Variants in DYNLT2B observed in about 807,000 individuals in gnomAD.
The protein encoded by DYNLT2B is dynein light chain Tctex-type 2B.
DYNLT2B carries 14 observed loss-of-function variants against 19.5 expected under a neutral mutation model. That is an observed-to-expected ratio of 0.72 (90% CI 0.47 to 1.12). The LOEUF (loss-of-function observed/expected upper bound fraction) is 1.12, where lower values mean the gene tolerates loss of function less well. Among genes scored for constraint, DYNLT2B ranks in the 50% most tolerant of loss-of-function variants. DYNLT2B has a pLI of 0.00. For missense variants in DYNLT2B, 133 were observed against 174.7 expected (o/e 0.76, Z 1.35); for synonymous variants, 70 against 59.7 (o/e 1.17, Z -0.79).
At chr3:196,293,949 A>C (rs73086659) in intron 4 of DYNLT2B, among the ~76,000 whole-genome samples, 1,833 of 151,854 alleles carry the variant, frequency 0.012, 41 homozygotes, top group African/African-American at 0.042. Flanking sequence ...GGCAAAAAAA[A>C]CCATCTTCTT....
chr3:196,296,613 TA>T (rs927778775), intron 3 of DYNLT2B, among the ~76,000 whole-genome samples: 40 of 152,228 alleles, frequency 2.6e-4, no homozygotes, highest in African/African-American at 9.6e-4. Flanking sequence ...AAAAGCCAAT[TA>T]AAAATGGAAA....
chr3:196,300,230 G>T (rs1167301626), intron 3 of DYNLT2B, among the ~76,000 whole-genome samples: 3 of 152,188 alleles, frequency 2.0e-5, no homozygotes, highest in Non-Finnish European at 4.4e-5. Flanking sequence ...TAATATATTT[G>T]TGCCATTTTC....
At position 196,318,165 on chromosome 3, in the gene DYNLT2B, C is replaced by G. The variant is rs768191137; in HGVS notation, c.-13G>C. On this transcript the variant is annotated 5_prime_UTR_variant, in exon 1 of 5. Coordinates refer to ENST00000325318, the MANE Select transcript of DYNLT2B (RefSeq NM_152773.5). ...TGGACGTGGCCATGCCGGGGCTTCT[C>G]GGTCCGGGCGTAGCTCGCGATGAAG... 2 of 1,470,540 alleles carry G rather than the reference C, an allele frequency of 1.4e-6. No individual in the cohort carries two copies. The highest frequency in any genetic ancestry group is 1.8e-6 in the Non-Finnish European group (2 of 1,106,074). 91.1% of individuals were successfully genotyped at this position (1,470,540 alleles called of 1,614,324 possible).
At chr3:196,301,581 T>G (rs1726352561) in intron 3 of DYNLT2B, among the ~76,000 whole-genome samples, 1 of 151,868 alleles carries the variant, frequency 6.6e-6, no homozygotes, top group African/African-American at 2.4e-5. Context: ...GGTGTGGTGG[T>G]GGGCACCAGT....
chr3:196,314,210 A>G (rs937117879), intron 2 of DYNLT2B, among the ~76,000 whole-genome samples: 16 of 151,976 alleles, frequency 1.1e-4, no homozygotes, highest in African/African-American at 3.6e-4. Context: ...TTCTAAGAAG[A>G]GCAGATGGAA....
intron 3 of DYNLT2B, among the ~76,000 whole-genome samples, chr3:196,301,605 C>T (rs1389668046): frequency 2.6e-5 from 4 of 151,824 alleles, no homozygotes; most frequent in South Asian, 2.1e-4. Context: ...CCCAATTACT[C>T]GGGAGGCTGA....
intron 2 of DYNLT2B, among the ~76,000 whole-genome samples, chr3:196,309,988 A>G (rs997824633): frequency 6.6e-5 from 10 of 152,100 alleles, no homozygotes; most frequent in Non-Finnish European, 1.5e-4. Context: ...AAATCAACCT[A>G]GGAAGTAATA....
chr3:196,305,368 T>G (rs908858971), intron 3 of DYNLT2B, among the ~76,000 whole-genome samples: 6 of 152,168 alleles, frequency 3.9e-5, no homozygotes, highest in Admixed American at 3.9e-4. Context: ...TCTAACTACT[T>G]ATTTTCAAGA....
intron 3 of DYNLT2B, 119 bp from the exon 4 acceptor site, chr3:196,296,188 T>G (rs1324844692): frequency 2.4e-6 from 2 of 836,462 alleles, no homozygotes; most frequent in Admixed American, 4.0e-5. Flanking sequence ...TCCAAACCTT[T>G]CACAGGTAGG....
chr3:196,301,680 T>C (rs1348735319), intron 3 of DYNLT2B, among the ~76,000 whole-genome samples: 1 of 151,854 alleles, frequency 6.6e-6, no homozygotes, highest in Non-Finnish European at 1.5e-5. Context: ...GCCACTGCAC[T>C]CCAGCCTGGG....
At chr3:196,299,042 GCTGGGATAACAGGCATGCA>G (rs1726286775) in intron 3 of DYNLT2B, among the ~76,000 whole-genome samples, 1 of 151,250 alleles carries the variant, frequency 6.6e-6, no homozygotes, top group African/African-American at 2.4e-5. Context: ...CTCCCGAGTA[GCTGGGATAACAGGCATGCA>G]CCACCATGCC....
chr3:196,316,782 C>T lies in DYNLT2B; in HGVS notation c.114-551G>A, dbSNP rs554027244. ...ACATTATAATCAAAATTCCTGTTTT[C>T]CATATTTGCCAAGCAAATATGGGGT... is the stretch of plus-strand genomic sequence containing the variant. On this transcript the variant is annotated intron_variant, in intron 1 of 4. Coordinates refer to ENST00000325318, the MANE Select transcript of DYNLT2B (RefSeq NM_152773.5). Among the ~76,000 whole-genome samples, 80 of 152,132 alleles carry T rather than the reference C, an allele frequency of 5.3e-4. 1 individual carries two copies. Among genetic ancestry groups the T allele is most frequent in the Non-Finnish European group, 1.0e-3 (69 of 68,016 alleles).
intron 1 of DYNLT2B, 30 bp from the exon 2 acceptor site, chr3:196,316,261 C>A: frequency 1.9e-6 from 3 of 1,588,338 alleles, no homozygotes; most frequent in Middle Eastern, 3.3e-4. Flanking sequence ...AACATCCAGT[C>A]GGTGACTCCA....
chr3:196,300,943 C>CGT (rs1350765370), intron 3 of DYNLT2B, among the ~76,000 whole-genome samples: 4 of 151,630 alleles, frequency 2.6e-5, no homozygotes, highest in Non-Finnish European at 5.9e-5. Flanking sequence ...CCTACGGTCC[C>CGT]AGCTACTTGG....
chr3:196,305,298 A>G (rs1726459015), intron 3 of DYNLT2B, among the ~76,000 whole-genome samples: 1 of 152,190 alleles, frequency 6.6e-6, no homozygotes, highest in South Asian at 2.1e-4. Flanking sequence ...AGAAGATGCA[A>G]TAGGATGTAT....
intron 4 of DYNLT2B, among the ~76,000 whole-genome samples, chr3:196,292,093 GAAC>G (rs1262776395): frequency 2.0e-5 from 3 of 152,150 alleles, no homozygotes; most frequent in African/African-American, 7.2e-5. Flanking sequence ...CTGATAATAA[GAAC>G]AACAGGACCT....
intron 2 of DYNLT2B, among the ~76,000 whole-genome samples, chr3:196,314,821 AAAAAC>A (rs1302093478): frequency 2.6e-5 from 4 of 152,016 alleles, no homozygotes; most frequent in African/African-American, 9.7e-5. Flanking sequence ...ACCCTATTTC[AAAAAC>A]AAAACAAAAC....
chr3:196,299,239 C>G (rs762357151), intron 3 of DYNLT2B, among the ~76,000 whole-genome samples: 13 of 152,036 alleles, frequency 8.6e-5, no homozygotes, highest in African/African-American at 1.4e-4. Flanking sequence ...CACCCACCAC[C>G]ACGCCCGGCT....
At chr3:196,311,089 G>C (rs1439284263) in intron 2 of DYNLT2B, among the ~76,000 whole-genome samples, 5 of 151,980 alleles carry the variant, frequency 3.3e-5, no homozygotes, top group Admixed American at 1.3e-4. Context: ...CACGGCCCTA[G>C]GGAACAAACA....
Sources: gnomAD v4.1 joint callset for allele counts (sites outside exome capture counted in the v4.1 genomes callset) on GRCh38, gnomAD v4.1.1 for gene constraint, MANE v1.5 for transcripts, NCBI Gene and HGNC (gene_info 2026-07-23, HGNC 2026-07-21) for gene names.